The following RSPO2 variants were observed in gnomAD, a reference collection of about 807,000 sequenced individuals.
The protein encoded by RSPO2 is R-spondin 2.
Under a neutral mutation model 30.9 loss-of-function variants are expected in RSPO2, and 14 were observed. That is an observed-to-expected ratio of 0.45 (90% CI 0.30 to 0.71). The LOEUF is 0.71. Among genes scored for constraint, RSPO2 ranks in the 30% least tolerant of loss-of-function variants. The probability of loss-of-function intolerance (pLI) is 0.08; values close to 1 mark genes in which losing one functional copy is unlikely to be tolerated. For synonymous variants in RSPO2, 107 were observed against 96.4 expected, an observed-to-expected ratio of 1.11 and a Z score of -0.64; for missense variants, 264 against 301.9, an observed-to-expected ratio of 0.87 and a Z score of 0.93.
At chr8:108,032,263 T>C (rs546066394) in intron 2 of RSPO2, among the ~76,000 whole-genome samples, 1 of 152,208 alleles carries the variant, frequency 6.6e-6, no homozygotes, top group Non-Finnish European at 1.5e-5. Context: ...TACAAATCAC[T>C]ATACATAAAC....
intron 2 of RSPO2, among the ~76,000 whole-genome samples, chr8:108,032,723 T>C (rs1231511135): frequency 1.3e-5 from 2 of 152,080 alleles, no homozygotes; most frequent in Non-Finnish European, 2.9e-5. Context: ...CTCAAACTCC[T>C]GGGCTCAAGC....
At chr8:107,929,088 A>G (rs1225152798) in intron 5 of RSPO2, among the ~76,000 whole-genome samples, 1 of 152,164 alleles carries the variant, frequency 6.6e-6, no homozygotes, top group African/African-American at 2.4e-5. Flanking sequence ...GCTCAGTCAC[A>G]CCATGGACTG....
At chr8:107,971,226 A>C (rs1441992434) in intron 3 of RSPO2, among the ~76,000 whole-genome samples, 1 of 152,340 alleles carries the variant, frequency 6.6e-6, no homozygotes, top group South Asian at 2.1e-4. Flanking sequence ...TACCAAATCC[A>C]CAAGAAACAA....
intron 2 of RSPO2, among the ~76,000 whole-genome samples, chr8:108,058,297 T>C (rs1266070548): frequency 6.6e-6 from 1 of 152,092 alleles, no homozygotes; most frequent in Admixed American, 6.5e-5. Flanking sequence ...ACAAGGGACA[T>C]GAAGGACCTC....
chr8:107,969,430 G>T (rs1586587815), intron 3 of RSPO2, among the ~76,000 whole-genome samples: 1 of 152,210 alleles, frequency 6.6e-6, no homozygotes, highest in East Asian at 1.9e-4. Flanking sequence ...GCAATATGCT[G>T]CTAGTAGCTT....
chr8:108,038,757 GTT>G (rs58167448), intron 2 of RSPO2, among the ~76,000 whole-genome samples: 2 of 145,126 alleles, frequency 1.4e-5, no homozygotes, highest in African/African-American at 5.0e-5. Flanking sequence ...TTGTTAGTGG[GTT>G]TTTTTTTTTA....
chr8:107,969,355 G>A lies in RSPO2; in HGVS notation c.284-8538C>T, dbSNP rs6980633. 5.3e-3 allele frequency among the ~76,000 whole-genome samples: 811 copies of A among 152,044 alleles called. 7 individuals carry two copies. Among genetic ancestry groups the A allele is most frequent in the African/African-American group, 0.019 (783 of 41,452 alleles). On this transcript the variant is annotated intron_variant, in intron 3 of 5. Transcript: ENST00000276659. ...TATATGCTGTCAAAAAATGTATCAG[G>A]GAAAAGTATTTAACTTGAAGTGTCA...
At chr8:107,996,343 GAAC>G in intron 2 of RSPO2, among the ~76,000 whole-genome samples, 1 of 152,198 alleles carries the variant, frequency 6.6e-6, no homozygotes, top group South Asian at 2.1e-4. Flanking sequence ...CCTTTAACAT[GAAC>G]AACTGAGAGA....
At chr8:108,049,515 G>A (rs894316077) in intron 2 of RSPO2, among the ~76,000 whole-genome samples, 6 of 151,618 alleles carry the variant, frequency 4.0e-5, no homozygotes, top group South Asian at 2.1e-4. Flanking sequence ...TTTAAGCCCC[G>A]CAGGCATTAG....
rs538963870 is a variant in RSPO2, at chr8:107,922,763, CAG to C, written c.617-21575_617-21574del. Among the ~76,000 whole-genome samples, 16 of 151,978 alleles carry C rather than the reference CAG, an allele frequency of 1.1e-4. No individual in the cohort carries two copies. The South Asian group carries it at 3.1e-3, about 30-fold the overall frequency. On this transcript the variant is annotated intron_variant, in intron 5 of 5. Coordinates refer to ENST00000276659, the MANE Select transcript of RSPO2 (RefSeq NM_178565.5). ...CAAAAACATACATGGAAAAATGGAA[CAG>C]AGAGCCCCAAAATAATACTGTACAT...
intron 2 of RSPO2, among the ~76,000 whole-genome samples, chr8:108,068,369 A>C (rs1427547954): frequency 6.6e-6 from 1 of 152,182 alleles, no homozygotes; most frequent in African/African-American, 2.4e-5. Flanking sequence ...CTTTATGTCC[A>C]ATATACACTC....
intron 2 of RSPO2, among the ~76,000 whole-genome samples, chr8:108,010,774 G>A (rs1810678814): frequency 6.6e-6 from 1 of 152,100 alleles, no homozygotes; most frequent in South Asian, 2.1e-4. Flanking sequence ...GCAAGCCTTG[G>A]TGAAAAGGCA....
intron 2 of RSPO2, among the ~76,000 whole-genome samples, chr8:108,046,855 T>G (rs952472869): frequency 1.3e-5 from 2 of 152,190 alleles, no homozygotes; most frequent in Non-Finnish European, 2.9e-5. Context: ...AAATAAACCA[T>G]TCAGTTGTGC....
chr8:107,902,106 G>A (rs1178906896), intron 5 of RSPO2, among the ~76,000 whole-genome samples: 2 of 152,082 alleles, frequency 1.3e-5, no homozygotes, highest in Non-Finnish European at 2.9e-5. Flanking sequence ...TCTGTCTTAG[G>A]TCCATCACCT....
At chr8:107,986,187 TATGCAA>T (rs1789476474) in intron 3 of RSPO2, among the ~76,000 whole-genome samples, 1 of 152,204 alleles carries the variant, frequency 6.6e-6, no homozygotes, top group South Asian at 2.1e-4. Context: ...CAATGCAATA[TATGCAA>T]ACTAGTCATG....
intron 5 of RSPO2, among the ~76,000 whole-genome samples, chr8:107,950,770 A>AT (rs1491194968): frequency 6.9e-6 from 1 of 144,710 alleles, no homozygotes; most frequent in African/African-American, 2.6e-5. Flanking sequence ...AAAAAAAAAA[A>AT]TTTGACACCT....
chr8:107,944,909 T>G (rs1453874317), intron 5 of RSPO2, among the ~76,000 whole-genome samples: 1 of 152,084 alleles, frequency 6.6e-6, no homozygotes, highest in Non-Finnish European at 1.5e-5. Flanking sequence ...AGAGTCCAGA[T>G]ATCTACCTGC....
chr8:108,082,146 C>T (rs890448072), intron 2 of RSPO2, among the ~76,000 whole-genome samples: 3 of 151,946 alleles, frequency 2.0e-5, no homozygotes, highest in East Asian at 3.9e-4. Flanking sequence ...AACAAATGAG[C>T]TACAGGGAAG....
chr8:108,065,659 T>TA (rs57299718), intron 2 of RSPO2, among the ~76,000 whole-genome samples: 2,232 of 117,058 alleles, frequency 0.019, 11 homozygotes, highest in Non-Finnish European at 0.029. Context: ...GCAGAAGGAA[T>TA]AAAAAAAAAA....
Sources: allele counts gnomAD v4.1 joint callset (sites outside exome capture counted in the v4.1 genomes callset), GRCh38; gene constraint gnomAD v4.1.1; transcripts MANE v1.5; gene names NCBI Gene and HGNC (gene_info 2026-07-23, HGNC 2026-07-21).